The following YTHDF3 variants were observed in gnomAD, a reference collection of about 807,000 sequenced individuals.
The protein encoded by YTHDF3 is YTH N6-methyladenosine RNA binding protein F3.
A neutral mutation model predicts 52.5 loss-of-function variants in YTHDF3; 9 were observed. The ratio of observed to expected loss-of-function variants is 0.17; its 90% CI spans 0.10 to 0.30. The LOEUF (loss-of-function observed/expected upper bound fraction) is 0.30. YTHDF3 is among the 10% of genes least tolerant of loss of function. YTHDF3 has a pLI of 1.00. For missense variants in YTHDF3, 534 were observed against 715.0 expected (o/e 0.75, Z 2.89); for synonymous variants, 274 against 243.3 (o/e 1.13, Z -1.18).
At chr8:63,207,240 T>C (rs993821311) in intron 4 of YTHDF3, among the ~76,000 whole-genome samples, 1 of 152,188 alleles carries the variant, frequency 6.6e-6, no homozygotes, top group Admixed American at 6.5e-5. Context: ...CTGATATTAG[T>C]ATAGTTGTAT....
At chr8:63,172,117 TATC>T (rs1702412756) in intron 2 of YTHDF3, among the ~76,000 whole-genome samples, 1 of 152,222 alleles carries the variant, frequency 6.6e-6, no homozygotes, top group Admixed American at 6.5e-5. Flanking sequence ...AACTCTTTAT[TATC>T]CTTGGCAAGA....
rs776453859 is a variant in YTHDF3 at position 63,186,720 on chromosome 8, T to A, written c.709T>A (p.Ser237Thr). Reference sequence around the variant, plus strand: ...TAGCAGTGCAGCACCTAAACCAACCTCCTGGGCTGCCATTGCCAGAAAGCC... The same window carrying A: ...TAGCAGTGCAGCACCTAAACCAACCACCTGGGCTGCCATTGCCAGAAAGCC... ...PVSSAAPKPTSWAAIARKPAK... is the reference protein window; with the variant it reads ...PVSSAAPKPTTWAAIARKPAK... The change falls in exon 4 of 5, where the codon TCC (serine) becomes ACC (threonine). Residue 237 changes from serine to threonine, a missense_variant. Physicochemically the swap from Ser to Thr is moderately conservative, Grantham distance 58 (BLOSUM62 1). Transcript: ENST00000539294. 2.5e-6 allele frequency: 4 copies of A among 1,613,936 alleles called. No individual in the cohort carries two copies. Among genetic ancestry groups the A allele is most frequent in the Non-Finnish European group, 2.5e-6 (3 of 1,179,878 alleles).
chr8:63,177,648 A>G (rs1266055607), intron 3 of YTHDF3, among the ~76,000 whole-genome samples: 2 of 152,194 alleles, frequency 1.3e-5, no homozygotes, highest in Non-Finnish European at 2.9e-5. Context: ...GAGGCTAAAC[A>G]GTTGAACTGT....
At position 63,191,553 on chromosome 8, in the gene YTHDF3, T is replaced by C. The variant is rs150888837; in HGVS notation, c.1734+3808T>C. Among the ~76,000 whole-genome samples, 9 of 152,332 alleles carry C rather than the reference T, an allele frequency of 5.9e-5. No individual in the cohort carries two copies. The East Asian group carries it at 1.3e-3, about 23-fold the overall frequency. On this transcript the variant is annotated intron_variant, in intron 4 of 4. Coordinates refer to ENST00000539294, the MANE Select transcript of YTHDF3 (RefSeq NM_152758.6). ...CACAAAAGACTGTGTTTAAAACTTA[T>C]GTCTGCTTTCTGTACTTAATGTTTT...
At chr8:63,169,301 TTG>T in intron 1 of YTHDF3, 84 bp from the exon 2 acceptor site, 1 of 1,506,508 alleles carries the variant, frequency 6.6e-7, no homozygotes, top group South Asian at 1.2e-5. Flanking sequence ...CTAAAATAAC[TTG>T]TCTTTGATAA....
Position 63,211,669 on chromosome 8 carries a change from C to G in YTHDF3, c.*1963C>G, listed in dbSNP as rs894762226. On this transcript the variant is annotated 3_prime_UTR_variant, in exon 5 of 5. Coordinates refer to ENST00000539294, the MANE Select transcript of YTHDF3 (RefSeq NM_152758.6). ...AAACTAGTTACATTATAAACGGTTT[C>G]AAACATGTTTAATTTACATTAGGTT... The G allele has an allele frequency of 6.6e-6, 1 of 152,514 alleles. No homozygotes were observed. The highest frequency in any genetic ancestry group is 1.5e-5 in the Non-Finnish European group (1 of 68,004). The allele number at this position is 152,514 out of a possible 1,614,324, so 9.4% of individuals were successfully genotyped here.
chr8:63,195,731 C>CGTGTGTGTGT (rs61277098), intron 4 of YTHDF3, among the ~76,000 whole-genome samples: 104 of 145,360 alleles, frequency 7.2e-4, no homozygotes, highest in Middle Eastern at 7.0e-3. Context: ...CATGTATTTA[C>CGTGTGTGTGT]GTGTGTGTGT....
At chr8:63,173,523 A>G (rs948636206) in intron 2 of YTHDF3, 9 of 349,918 alleles carry the variant, frequency 2.6e-5, no homozygotes, top group Non-Finnish European at 2.4e-5. Context: ...CCTAGTGGAT[A>G]TGAGAGATAG....
intron 4 of YTHDF3, among the ~76,000 whole-genome samples, chr8:63,195,266 A>T (rs555476089): frequency 6.6e-6 from 1 of 152,348 alleles, no homozygotes; most frequent in African/African-American, 2.4e-5. Flanking sequence ...TGAATGAATA[A>T]CCAATACCCC....
intron 4 of YTHDF3, among the ~76,000 whole-genome samples, chr8:63,190,033 A>T (rs1363934144): frequency 6.6e-6 from 1 of 152,218 alleles, no homozygotes; most frequent in African/African-American, 2.4e-5. Flanking sequence ...GTAGCGCATC[A>T]GGAGAAATGA....
Position 63,187,043 on chromosome 8 carries a change from G to T in YTHDF3, c.1032G>T (p.Gln344His), listed in dbSNP as rs1563402480. 2 of 1,613,562 alleles carry T rather than the reference G, an allele frequency of 1.2e-6. No individual in the cohort carries two copies. The highest frequency in any genetic ancestry group is 1.7e-6 in the Non-Finnish European group (2 of 1,179,680). ...PQPQAQPHQV[Q>H]PQQQQLQNRW... ...CACAGGCCCAGCCTCACCAAGTGCAGCCTCAACAGCAGCAGCTGCAGAATC... is the reference window on the plus strand; with the variant it reads ...CACAGGCCCAGCCTCACCAAGTGCATCCTCAACAGCAGCAGCTGCAGAATC... The change falls in exon 4 of 5, where the codon CAG (glutamine) becomes CAT (histidine). Residue 344 changes from glutamine to histidine, a missense_variant. Transcript: ENST00000539294.
rs1810059532 is a variant in YTHDF3 at position 63,206,767 on chromosome 8, A to AG, written c.1735-2916_1735-2915insG. ...TCTATTGTTTTTTTTTCCCTCTAAA[A>AG]CTTCAGCTTTTAAGTTTGTTTCTCT... On this transcript the variant is annotated intron_variant, in intron 4 of 4. Transcript: ENST00000539294. Among the ~76,000 whole-genome samples, 5 of 151,926 alleles carry AG rather than the reference A, an allele frequency of 3.3e-5. No homozygotes were observed. The South Asian group carries it at 1.0e-3, about 32-fold the overall frequency.
intron 2 of YTHDF3, chr8:63,172,730 T>C (rs1807412287): frequency 8.2e-7 from 1 of 1,226,882 alleles, no homozygotes; most frequent in Non-Finnish European, 1.0e-6. Flanking sequence ...ATCACCTGGC[T>C]CCTAAGGCCC....
At chr8:63,179,714 G>A (rs1032928997) in intron 3 of YTHDF3, among the ~76,000 whole-genome samples, 5 of 152,042 alleles carry the variant, frequency 3.3e-5, no homozygotes, top group African/African-American at 7.3e-5. Context: ...ATCATGGCCC[G>A]TTCTCAATGA....
rs763809507 is a variant in YTHDF3, at chr8:63,187,150, T to G, written c.1139T>G (p.Val380Gly). ...AGTGAAAACTTTGGTTTAGGTGTTG[T>G]ACCTGTCAGTGCTTCACCTTCTAGT... is the stretch of plus-strand genomic sequence containing the variant. ...AGSENFGLGV[V>G]PVSASPSSVE... is the part of the protein sequence containing the mutation. Residue 380 changes from valine (V) to glycine (G), a missense_variant, in exon 4 of 5, where the codon GTA (valine) becomes GGA (glycine). By Grantham distance (109) the Val-to-Gly change is moderately radical. Around this residue, in one of 3 missense-constraint regions of YTHDF3, gnomAD observed 203 missense variants for 201.3 expected, o/e 1.01. Transcript: ENST00000539294. 1 of 1,613,852 alleles carries G rather than the reference T, an allele frequency of 6.2e-7. No homozygotes were observed. Among genetic ancestry groups the G allele is most frequent in the African/African-American group, 1.3e-5 (1 of 74,926 alleles).
rs1269149334 is a variant in YTHDF3, at chr8:63,168,718, A to G, written c.-160A>G. On this transcript the variant is annotated 5_prime_UTR_variant, in exon 1 of 5. Coordinates refer to ENST00000539294, the MANE Select transcript of YTHDF3 (RefSeq NM_152758.6). ...CGGAAAAGACGGGCCTCTTCCTCCG[A>G]CTCCCGAGCGCGAGGCCCTCATTTT... 1 of 1,410,888 alleles carries G rather than the reference A, an allele frequency of 7.1e-7. No individual in the cohort carries two copies. The highest frequency in any genetic ancestry group is 2.0e-5 in the Admixed American group (1 of 49,192). 87.4% of individuals were successfully genotyped at this position (1,410,888 alleles called of 1,614,324 possible).
At chr8:63,175,445 G>T in intron 3 of YTHDF3, 29 bp downstream of exon 3, 1 of 1,545,338 alleles carries the variant, frequency 6.5e-7, no homozygotes, top group Non-Finnish European at 8.9e-7. Flanking sequence ...TCAGATTTTA[G>T]GAAATTAACC....
chr8:63,202,795 A>T (rs988440354), intron 4 of YTHDF3, among the ~76,000 whole-genome samples: 1 of 151,624 alleles, frequency 6.6e-6, no homozygotes. Context: ...ATTTTTTTAG[A>T]CCTATCAGCC....
chr8:63,189,087 G>A (rs952620169), intron 4 of YTHDF3: 4 of 152,102 alleles, frequency 2.6e-5, no homozygotes, highest in African/African-American at 9.7e-5. Context: ...CAAAATAGAG[G>A]CTTTGCAGAA....
Sources: allele counts gnomAD v4.1 joint callset (sites outside exome capture counted in the v4.1 genomes callset), GRCh38; gene constraint gnomAD v4.1.1; regional missense constraint gnomAD v4.1.1; transcripts MANE v1.5; gene names NCBI Gene and HGNC (gene_info 2026-07-23, HGNC 2026-07-21).